The following EDEM2 variants were observed in gnomAD, a reference collection of about 807,000 sequenced individuals.
EDEM2 encodes ER degradation-enhancing alpha-mannosidase-like protein 2.
In EDEM2, 39 loss-of-function variants were observed where a neutral mutation model predicts 64.8. That is an observed-to-expected ratio of 0.60 (90% CI 0.47 to 0.79). The LOEUF (loss-of-function observed/expected upper bound fraction) is 0.79. Among genes scored for constraint, EDEM2 ranks in the 30% least tolerant of loss-of-function variants. The pLI is 0.00. For missense variants in EDEM2, 609 were observed against 731.3 expected, an observed-to-expected ratio of 0.83 and a Z score of 1.93; for synonymous variants, 296 against 291.5, an observed-to-expected ratio of 1.02 and a Z score of -0.16.
At position 35,136,754 on chromosome 20, in the gene EDEM2, GAAA is replaced by G. The variant is rs11481205; in HGVS notation, c.490+1123_490+1125del. 6.8e-4 allele frequency among the ~76,000 whole-genome samples: 70 copies of G among 102,216 alleles called. 1 individual carries two copies. The highest frequency in any genetic ancestry group is 2.1e-3 in the African/African-American group (56 of 26,398). The allele number at this position is 102,216 out of a possible 152,430, so 67.1% of individuals were successfully genotyped here. ...TGGGCGACAGAGCAAGACCCTGTCT[GAAA>G]AAAAAAAAAAAAAAAAAATTAAGAA... On this transcript the variant is annotated intron_variant, in intron 5 of 10. Coordinates refer to ENST00000374492, the MANE Select transcript of EDEM2 (RefSeq NM_018217.3).
chr20:35,141,573 A>G (rs1351100095), intron 4 of EDEM2, among the ~76,000 whole-genome samples: 2 of 152,200 alleles, frequency 1.3e-5, no homozygotes, highest in Non-Finnish European at 2.9e-5. Flanking sequence ...TATAAGTTTC[A>G]TTGCAGAAAA....
At chr20:35,146,119 G>C (rs1486397935) in intron 2 of EDEM2, among the ~76,000 whole-genome samples, 1 of 150,510 alleles carries the variant, frequency 6.6e-6, no homozygotes. Flanking sequence ...TATAAACCAA[G>C]AATATTTCTG....
At chr20:35,145,866 G>A (rs1237278743) in intron 2 of EDEM2, among the ~76,000 whole-genome samples, 4 of 152,076 alleles carry the variant, frequency 2.6e-5, no homozygotes, top group African/African-American at 9.7e-5. Flanking sequence ...GCCGGGTGTG[G>A]TGGTGGGCTC....
rs576099614 is a variant in EDEM2 at position 35,129,398 on chromosome 20, C to T, written c.844+2244G>A. 5.3e-5 allele frequency among the ~76,000 whole-genome samples: 8 copies of T among 151,182 alleles called. No individual in the cohort carries two copies. The South Asian group carries it at 1.3e-3, about 24-fold the overall frequency. On this transcript the variant is annotated intron_variant, in intron 7 of 10. Coordinates refer to ENST00000374492, the MANE Select transcript of EDEM2 (RefSeq NM_018217.3). ...CTCCAGCCTGGGCAACAGAGTGAGA[C>T]TCTGTCTTTAAAGAAAAAAAAAATC...
chr20:35,133,452 G>C (rs991613721), intron 6 of EDEM2, among the ~76,000 whole-genome samples: 4 of 151,758 alleles, frequency 2.6e-5, no homozygotes, highest in Non-Finnish European at 5.9e-5. Context: ...ATTTACTACA[G>C]GTCTCCAGCG....
At chr20:35,135,832 T>C (rs1379474992) in intron 5 of EDEM2, among the ~76,000 whole-genome samples, 1 of 152,076 alleles carries the variant, frequency 6.6e-6, no homozygotes, top group African/African-American at 2.4e-5. Context: ...TGTAAAGAAG[T>C]AATTCAGCCA....
intron 4 of EDEM2, among the ~76,000 whole-genome samples, chr20:35,140,352 T>C (rs2085636035): frequency 6.6e-6 from 1 of 151,956 alleles, no homozygotes; most frequent in Admixed American, 6.6e-5. Flanking sequence ...GGTGTGGTGG[T>C]GCACAACTGT....
chr20:35,136,307 CAG>C (rs2085574876), intron 5 of EDEM2, among the ~76,000 whole-genome samples: 1 of 152,084 alleles, frequency 6.6e-6, no homozygotes, highest in South Asian at 2.1e-4. Context: ...AGCAGCTAGG[CAG>C]AGTTTCCAGA....
chr20:35,140,027 G>A (rs2085631627), intron 4 of EDEM2, among the ~76,000 whole-genome samples: 1 of 152,000 alleles, frequency 6.6e-6, no homozygotes, highest in African/African-American at 2.4e-5. Context: ...CATACACCCA[G>A]CAAAAATATC....
intron 7 of EDEM2, among the ~76,000 whole-genome samples, chr20:35,129,586 AT>A (rs1052041657): frequency 2.0e-5 from 3 of 148,474 alleles, no homozygotes; most frequent in African/African-American, 7.7e-5. Context: ...AAAAAAAAAA[AT>A]TTATTACTGG....
chr20:35,124,265 G>A (rs992630030), intron 8 of EDEM2, among the ~76,000 whole-genome samples: 1 of 152,152 alleles, frequency 6.6e-6, no homozygotes, highest in African/African-American at 2.4e-5. Context: ...AACAAAGATT[G>A]TATATTAAGT....
intron 3 of EDEM2, among the ~76,000 whole-genome samples, chr20:35,143,316 A>C (rs750315134): frequency 3.3e-5 from 5 of 152,206 alleles, no homozygotes; most frequent in Non-Finnish European, 7.3e-5. Context: ...ACCAAGGGAC[A>C]AACACAGCTA....
At chr20:35,146,704 C>T (rs2146120175) in intron 2 of EDEM2, 121 bp downstream of exon 2, 2 of 1,082,634 alleles carry the variant, frequency 1.8e-6, no homozygotes, top group East Asian at 5.2e-5. Flanking sequence ...GCGGCTCTAG[C>T]TCAGCTGGGA....
chr20:35,138,580 CTTTTTTTTT>C (rs1199947248), intron 4 of EDEM2, among the ~76,000 whole-genome samples: 1 of 140,784 alleles, frequency 7.1e-6, no homozygotes, highest in Non-Finnish European at 1.6e-5. Context: ...ATATGTAGAA[CTTTTTTTTT>C]TTTTTTTTGA....
In EDEM2 at chr20:35,124,179, AGCCAG is replaced by A. The variant is rs1405066603; in HGVS notation, c.970-150_970-146del. The A allele has an allele frequency of 9.9e-6, 10 of 1,007,802 alleles. No homozygotes were observed. The East Asian group carries it at 2.3e-4, about 23-fold the overall frequency. 62.4% of individuals were successfully genotyped at this position (1,007,802 alleles called of 1,614,324 possible). A position where few individuals can be genotyped will look rare whatever the true frequency, so the allele number is the denominator to read the frequency against. Reference sequence around the variant, plus strand: ...CTGCCAGTTACTCAGTGTGGTGCTGAGCCAGGCACTGGACTTCTCTGAGCCCCATC... The same window carrying A: ...CTGCCAGTTACTCAGTGTGGTGCTGAGCACTGGACTTCTCTGAGCCCCATC... On this transcript the variant is annotated intron_variant, in intron 8 of 10. Coordinates refer to ENST00000374492, the MANE Select transcript of EDEM2 (RefSeq NM_018217.3).
At chr20:35,128,061 T>C (rs2085458307) in intron 7 of EDEM2, among the ~76,000 whole-genome samples, 1 of 152,210 alleles carries the variant, frequency 6.6e-6, no homozygotes, top group Admixed American at 6.5e-5. Context: ...ATTTACTATA[T>C]TATTATCATT....
chr20:35,117,687 GA>G (rs1569173309), intron 10 of EDEM2, among the ~76,000 whole-genome samples: 2 of 151,884 alleles, frequency 1.3e-5, no homozygotes, highest in Non-Finnish European at 2.9e-5. Context: ...TTGTTGTTTT[GA>G]ATTCCATACC....
At chr20:35,119,083 T>TAAC (rs3054842) in intron 9 of EDEM2, among the ~76,000 whole-genome samples, 111,737 of 151,842 alleles carry the variant, frequency 0.74, 41,315 homozygotes, top group Admixed American at 0.79. Flanking sequence ...CTGCCAACAC[T>TAAC]AACTATTCTA....
chr20:35,132,786 C>T (rs534216326), intron 6 of EDEM2, among the ~76,000 whole-genome samples: 1 of 152,190 alleles, frequency 6.6e-6, no homozygotes, highest in Non-Finnish European at 1.5e-5. Flanking sequence ...GATACGCCTG[C>T]CTTGGCCTCC....
Sources: gnomAD v4.1 joint callset for allele counts (sites outside exome capture counted in the v4.1 genomes callset) on GRCh38, gnomAD v4.1.1 for gene constraint, MANE v1.5 for transcripts, NCBI Gene and HGNC (gene_info 2026-07-23, HGNC 2026-07-21) for gene names.